The following LRP1B variants were observed in gnomAD, a reference collection of about 807,000 sequenced individuals.
LRP1B encodes low-density lipoprotein receptor-related protein 1B.
LRP1B carries 217 observed loss-of-function variants against 556.6 expected under a neutral mutation model. The ratio of observed to expected loss-of-function variants is 0.39; its 90% CI spans 0.35 to 0.44. The LOEUF (loss-of-function observed/expected upper bound fraction) is 0.44. Ranked by LOEUF, LRP1B falls within the 20% of genes least tolerant of loss-of-function variation. LRP1B has a pLI of 1.00. For synonymous variants in LRP1B, 2,047 were observed against 1,865.8 expected (o/e 1.10, Z -2.50); for missense variants, 5,053 against 5,620.8 (o/e 0.90, Z 3.23).
At chr2:141,697,403 T>G (rs1485171017) in intron 2 of LRP1B, among the ~76,000 whole-genome samples, 1 of 151,948 alleles carries the variant, frequency 6.6e-6, no homozygotes, top group Admixed American at 6.6e-5. Flanking sequence ...TCTCATTTAC[T>G]CTCCTTGTTA....
intron 31 of LRP1B, among the ~76,000 whole-genome samples, chr2:140,838,126 T>A (rs932012707): frequency 6.6e-6 from 1 of 152,156 alleles, no homozygotes; most frequent in Non-Finnish European, 1.5e-5. Context: ...GTTTTCACCA[T>A]TATGGAAATA....
chr2:140,334,623 G>A (rs1225068529), intron 78 of LRP1B, 64 bp from the exon 79 acceptor site: 8 of 842,916 alleles, frequency 9.5e-6, no homozygotes, highest in East Asian at 8.6e-5. Context: ...ACTCTGCTCC[G>A]CAAAGCAGTG....
chr2:140,610,243 G>A (rs1683022159), intron 41 of LRP1B, among the ~76,000 whole-genome samples: 1 of 152,128 alleles, frequency 6.6e-6, no homozygotes, highest in African/African-American at 2.4e-5. Flanking sequence ...CAGGGAACGT[G>A]ACTGTCTTTT....
intron 2 of LRP1B, among the ~76,000 whole-genome samples, chr2:141,691,878 C>T (rs1225026364): frequency 6.6e-6 from 1 of 152,010 alleles, no homozygotes; most frequent in Non-Finnish European, 1.5e-5. Context: ...ATATAGACAA[C>T]TTGAATTCAG....
At chr2:140,650,503 C>T (rs1006169388) in intron 41 of LRP1B, among the ~76,000 whole-genome samples, 2 of 151,994 alleles carry the variant, frequency 1.3e-5, no homozygotes, top group African/African-American at 2.4e-5. Context: ...TGCCTGCCAC[C>T]ATGGCCAGCT....
intron 67 of LRP1B, among the ~76,000 whole-genome samples, chr2:140,381,179 A>T (rs1402585186): frequency 6.6e-6 from 1 of 152,120 alleles, no homozygotes; most frequent in Non-Finnish European, 1.5e-5. Flanking sequence ...TACCACGGAA[A>T]GCCCTAAGGA....
At chr2:140,621,976 T>C (rs756743930) in intron 41 of LRP1B, among the ~76,000 whole-genome samples, 24 of 152,244 alleles carry the variant, frequency 1.6e-4, no homozygotes, top group Non-Finnish European at 2.9e-4. Flanking sequence ...TAGGACATTA[T>C]AGCAACAAAC....
Position 140,536,850 on chromosome 2 carries a change from G to A in LRP1B, c.7514-141C>T, listed in dbSNP as rs1679921052. Reference sequence around the variant, plus strand: ...GTACAATTAAAGAGCAATGGTTTATGACATTTCTTTATGAAATTAAGATCT... The same window carrying A: ...GTACAATTAAAGAGCAATGGTTTATAACATTTCTTTATGAAATTAAGATCT... On this transcript the variant is annotated intron_variant, in intron 45 of 90. Transcript: ENST00000389484. 7.1e-6 allele frequency: 5 copies of A among 707,902 alleles called. No individual in the cohort carries two copies. In the South Asian group the frequency reaches 8.8e-5, roughly 12 times the overall value. 43.9% of individuals were successfully genotyped at this position (707,902 alleles called of 1,614,324 possible).
chr2:140,996,068 G>A (rs1224901585), intron 15 of LRP1B, among the ~76,000 whole-genome samples: 11 of 151,904 alleles, frequency 7.2e-5, no homozygotes, highest in Admixed American at 2.0e-4. Context: ...TCCAGGAATC[G>A]TGTGTCTTCT....
rs557868715 is a variant in LRP1B at position 141,563,339 on chromosome 2, T to G, written c.206-82806A>C. ...GGAAATATCTACATAGAAGTGAGAT[T>G]GGAAATAAATAAATTGCCAAAGAAA... On this transcript the variant is annotated intron_variant, in intron 2 of 90. Transcript: ENST00000389484. Among the ~76,000 whole-genome samples, 288 of 152,128 alleles carry G rather than the reference T, an allele frequency of 1.9e-3. 3 individuals carry two copies. Among genetic ancestry groups the G allele is most frequent in the African/African-American group, 6.7e-3 (280 of 41,538 alleles).
At chr2:141,146,829 A>G (rs1558892084) in intron 7 of LRP1B, among the ~76,000 whole-genome samples, 1 of 152,174 alleles carries the variant, frequency 6.6e-6, no homozygotes, top group Non-Finnish European at 1.5e-5. Flanking sequence ...ACTATGATCC[A>G]CTTGAAGATG....
intron 1 of LRP1B, among the ~76,000 whole-genome samples, chr2:141,978,591 G>T (rs1701953666): frequency 6.6e-6 from 1 of 151,864 alleles, no homozygotes; most frequent in Non-Finnish European, 1.5e-5. Flanking sequence ...ATACAGGGCA[G>T]GTTAATCATA....
chr2:141,760,999 T>C (rs948318702), intron 2 of LRP1B, among the ~76,000 whole-genome samples: 2 of 152,214 alleles, frequency 1.3e-5, no homozygotes, highest in Non-Finnish European at 2.9e-5. Context: ...ACCTCTGTTC[T>C]TTTATTATTT....
intron 16 of LRP1B, among the ~76,000 whole-genome samples, chr2:140,990,004 GA>G (rs1463248286): frequency 2.0e-5 from 3 of 152,002 alleles, no homozygotes; most frequent in Non-Finnish European, 2.9e-5. Context: ...TCAGGAGTTT[GA>G]GACCAGTCTG....
intron 77 of LRP1B, among the ~76,000 whole-genome samples, chr2:140,339,522 C>T (rs1418657578): frequency 2.6e-5 from 4 of 151,462 alleles, no homozygotes; most frequent in African/African-American, 7.3e-5. Flanking sequence ...AGTTAGTTAT[C>T]TCCCAATGGA....
intron 20 of LRP1B, among the ~76,000 whole-genome samples, chr2:140,944,772 G>C (rs1390109784): frequency 6.6e-6 from 1 of 152,028 alleles, no homozygotes; most frequent in Non-Finnish European, 1.5e-5. Context: ...AAAATAATAA[G>C]AGCTGTCTAT....
intron 1 of LRP1B, among the ~76,000 whole-genome samples, chr2:142,018,373 T>C (rs1010269512): frequency 6.6e-6 from 1 of 152,220 alleles, no homozygotes; most frequent in Admixed American, 6.5e-5. Flanking sequence ...CTCTAAACTT[T>C]ATAACATATG....
chr2:140,859,047 T>C (rs1692705416), intron 27 of LRP1B, among the ~76,000 whole-genome samples: 1 of 152,160 alleles, frequency 6.6e-6, no homozygotes, highest in African/African-American at 2.4e-5. Flanking sequence ...CTTGAACTTG[T>C]GAGCTCAAGT....
rs557124199 is a variant in LRP1B at position 141,396,544 on chromosome 2, T to G, written c.343+83852A>C. 2.6e-4 allele frequency among the ~76,000 whole-genome samples: 39 copies of G among 152,262 alleles called. No homozygotes were observed. In the South Asian group the frequency reaches 8.1e-3, roughly 32 times the overall value. ...TCATATCAATTTGATGGCATTTCACTGAAAGACTAAGCTAAAATAGATTAC... is the reference window on the plus strand; with the variant it reads ...TCATATCAATTTGATGGCATTTCACGGAAAGACTAAGCTAAAATAGATTAC... On this transcript the variant is annotated intron_variant, in intron 3 of 90. Transcript: ENST00000389484.
Sources: allele counts gnomAD v4.1 joint callset (sites outside exome capture counted in the v4.1 genomes callset), GRCh38; gene constraint gnomAD v4.1.1; transcripts MANE v1.5; gene names NCBI Gene and HGNC (gene_info 2026-07-23, HGNC 2026-07-21).